Variants in NAA16 observed in about 807,000 individuals in gnomAD.
The protein encoded by NAA16 is NARG1-like protein.
In NAA16, 97 loss-of-function variants were observed where a neutral mutation model predicts 110.3. That is an observed-to-expected ratio of 0.88 (90% CI 0.75 to 1.04). The LOEUF (loss-of-function observed/expected upper bound fraction) is 1.04. NAA16 is among the 50% of genes least tolerant of loss of function. The probability of loss-of-function intolerance (pLI) is 0.00; values close to 1 mark genes in which losing one functional copy is unlikely to be tolerated. For missense variants in NAA16, 1,017 were observed against 1,005.1 expected, an observed-to-expected ratio of 1.01 and a Z score of -0.16; for synonymous variants, 372 against 330.6, an observed-to-expected ratio of 1.13 and a Z score of -1.36.
intron 9 of NAA16, among the ~76,000 whole-genome samples, chr13:41,352,188 A>G (rs1280927704): frequency 6.6e-6 from 1 of 152,112 alleles, no homozygotes; most frequent in Non-Finnish European, 1.5e-5. Flanking sequence ...CAAAAAATAC[A>G]AAAATTAGCC....
At chr13:41,312,184 A>G (rs1175006253) in intron 1 of NAA16, among the ~76,000 whole-genome samples, 3 of 152,220 alleles carry the variant, frequency 2.0e-5, no homozygotes, top group South Asian at 2.1e-4. Context: ...CCTCTTTGGA[A>G]GTGAATATTT....
intron 9 of NAA16, among the ~76,000 whole-genome samples, chr13:41,340,644 T>G (rs984517364): frequency 3.0e-5 from 4 of 135,446 alleles, no homozygotes; most frequent in Admixed American, 7.8e-5. Context: ...CGGTTTTGAG[T>G]GAGTTTTTTT....
chr13:41,323,893 T>C (rs2042015487), intron 5 of NAA16, among the ~76,000 whole-genome samples: 1 of 152,160 alleles, frequency 6.6e-6, no homozygotes, highest in African/African-American at 2.4e-5. Flanking sequence ...TTGAGTCTCT[T>C]TTCCACTCCT....
rs149407426 is a variant in NAA16 at position 41,334,586 on chromosome 13, C to G, written c.908-2064C>G. Among the ~76,000 whole-genome samples the G allele has an allele frequency of 1.2e-3, 190 of 152,124 alleles. 1 individual carries two copies. Among genetic ancestry groups the G allele is most frequent in the African/African-American group, 4.3e-3 (180 of 41,498 alleles). On this transcript the variant is annotated intron_variant, in intron 8 of 19. Transcript: ENST00000379406. Reference sequence around the variant, plus strand: ...TCTAGATGAGAATTATTCAGGTAACCTGTTTTGTGAGCAGTAATACTAAAC... The same window carrying G: ...TCTAGATGAGAATTATTCAGGTAACGTGTTTTGTGAGCAGTAATACTAAAC...
At chr13:41,320,409 T>C (rs541106181) in intron 3 of NAA16, among the ~76,000 whole-genome samples, 2 of 152,270 alleles carry the variant, frequency 1.3e-5, no homozygotes, top group East Asian at 3.9e-4. Flanking sequence ...ATTTCAAACA[T>C]GTACACAAGT....
At chr13:41,350,037 A>G (rs1486383514) in intron 9 of NAA16, among the ~76,000 whole-genome samples, 2 of 151,184 alleles carry the variant, frequency 1.3e-5, no homozygotes, top group Non-Finnish European at 2.9e-5. Flanking sequence ...TTATCCCAGC[A>G]CTTTGGGAGT....
At chr13:41,371,504 C>T (rs1200152767) in intron 15 of NAA16, among the ~76,000 whole-genome samples, 1 of 152,196 alleles carries the variant, frequency 6.6e-6, no homozygotes, top group Non-Finnish European at 1.5e-5. Context: ...CTTCACCCTT[C>T]AGCCTACCCA....
At chr13:41,343,311 A>G (rs1259139253) in intron 9 of NAA16, among the ~76,000 whole-genome samples, 1 of 152,082 alleles carries the variant, frequency 6.6e-6, no homozygotes, top group Non-Finnish European at 1.5e-5. Flanking sequence ...GCTGATCTCA[A>G]ACTTCTGGGC....
At position 41,311,593 on chromosome 13, in the gene NAA16, G is replaced by C. The variant is rs750639794; in HGVS notation, c.54+11G>C. 6.2e-7 allele frequency: 1 copy of C among 1,602,414 alleles called. No homozygotes were observed. The highest frequency in any genetic ancestry group is 8.5e-7 in the Non-Finnish European group (1 of 1,174,968). ...TTCAAACGCATCTTGGTGAGTGGCC[G>C]TAGGCCGCGCTGCCGCCCCCCGGTC... On this transcript the variant is annotated intron_variant, in intron 1 of 19. Coordinates refer to ENST00000379406, the MANE Select transcript of NAA16 (RefSeq NM_024561.5).
At chr13:41,338,282 C>T (rs2042436990) in intron 9 of NAA16, among the ~76,000 whole-genome samples, 1 of 152,170 alleles carries the variant, frequency 6.6e-6, no homozygotes, top group Non-Finnish European at 1.5e-5. Context: ...GGATTTGTTT[C>T]TCTTAAGCTA....
chr13:41,366,948 T>G (rs2043218858), intron 13 of NAA16, among the ~76,000 whole-genome samples: 1 of 152,170 alleles, frequency 6.6e-6, no homozygotes. Context: ...GAATGTCTGC[T>G]ATGTATTAGG....
intron 14 of NAA16, among the ~76,000 whole-genome samples, chr13:41,368,663 A>G (rs2043254347): frequency 6.6e-6 from 1 of 152,244 alleles, no homozygotes; most frequent in South Asian, 2.1e-4. Context: ...AATCATAAAT[A>G]TGTTTTTTTA....
intron 9 of NAA16, among the ~76,000 whole-genome samples, chr13:41,352,430 G>A (rs570045425): frequency 9.2e-5 from 14 of 151,396 alleles, no homozygotes; most frequent in Admixed American, 2.0e-4. Context: ...CTAGGTGGGC[G>A]GGTCACCTGA....
chr13:41,367,406 G>A (rs202086450), intron 13 of NAA16, 33 bp from the exon 14 acceptor site: 3 of 1,448,016 alleles, frequency 2.1e-6, no homozygotes, highest in African/African-American at 1.4e-5. Context: ...TGACATAAAT[G>A]TAAAGGTTAA....
At chr13:41,350,589 C>T (rs1274290801) in intron 9 of NAA16, among the ~76,000 whole-genome samples, 1 of 149,318 alleles carries the variant, frequency 6.7e-6, no homozygotes, top group African/African-American at 2.5e-5. Flanking sequence ...AGCCACCGCG[C>T]CCTGCCAGTT....
In NAA16 at chr13:41,375,738, T is replaced by C; in HGVS notation, c.*136T>C. 1.5e-6 allele frequency: 1 copy of C among 648,926 alleles called. No homozygotes were observed. The highest frequency in any genetic ancestry group is 2.5e-6 in the Non-Finnish European group (1 of 402,120). 40.2% of individuals were successfully genotyped at this position (648,926 alleles called of 1,614,324 possible). ...TTAAATGGCATATTCTGTAAGCTTA[T>C]TTTGTTCTTTACCCGACCTGCCAAT... On this transcript the variant is annotated 3_prime_UTR_variant, in exon 20 of 20. Coordinates refer to ENST00000379406, the MANE Select transcript of NAA16 (RefSeq NM_024561.5).
intron 8 of NAA16, among the ~76,000 whole-genome samples, chr13:41,331,663 A>G (rs991605116): frequency 6.6e-6 from 1 of 152,078 alleles, no homozygotes; most frequent in African/African-American, 2.4e-5. Context: ...TGGGGGAGAG[A>G]TGAAGAGAGG....
At chr13:41,345,948 A>G (rs927211244) in intron 9 of NAA16, among the ~76,000 whole-genome samples, 2 of 152,210 alleles carry the variant, frequency 1.3e-5, no homozygotes, top group African/African-American at 2.4e-5. Context: ...CTGTTCTGCT[A>G]CGGGTTGTCT....
chr13:41,316,305 ATTT>A (rs993030515), intron 1 of NAA16, among the ~76,000 whole-genome samples: 2 of 103,890 alleles, frequency 1.9e-5, no homozygotes, highest in Admixed American at 1.9e-4. Context: ...AATTTTTGTA[ATTT>A]TTTTTTTTTT....
Sources: gnomAD v4.1 joint callset for allele counts (sites outside exome capture counted in the v4.1 genomes callset) on GRCh38, gnomAD v4.1.1 for gene constraint, MANE v1.5 for transcripts, NCBI Gene and HGNC (gene_info 2026-07-23, HGNC 2026-07-21) for gene names.